Variants in SP100 observed in about 807,000 individuals in gnomAD.
SP100 encodes SP100 nuclear body protein.
SP100 carries 84 observed loss-of-function variants against 130.0 expected under a neutral mutation model. That is an observed-to-expected ratio of 0.65 (90% confidence interval 0.54 to 0.77). The LOEUF (loss-of-function observed/expected upper bound fraction) is 0.77, where lower values mean the gene tolerates loss of function less well. Ranked by LOEUF, SP100 falls within the 30% of genes least tolerant of loss-of-function variation. The pLI, the probability that SP100 is intolerant of heterozygous loss-of-function variation, is 0.00. For synonymous variants in SP100, 331 were observed against 351.7 expected (o/e 0.94, Z 0.66); for missense variants, 978 against 1,052.2 (o/e 0.93, Z 0.97).
At chr2:230,490,406 T>C (rs900166990) in intron 17 of SP100, among the ~76,000 whole-genome samples, 1 of 152,162 alleles carries the variant, frequency 6.6e-6, no homozygotes, top group African/African-American at 2.4e-5. Flanking sequence ...GTGAGATGGG[T>C]CTCCTGAATA....
chr2:230,486,445 G>A (rs1311070936), intron 17 of SP100, among the ~76,000 whole-genome samples: 6 of 152,184 alleles, frequency 3.9e-5, no homozygotes, highest in Non-Finnish European at 8.8e-5. Context: ...CTGTTCCTGG[G>A]TCAGTTTGCT....
rs374930841 is a variant in SP100, at chr2:230,541,875, G to C, written c.2404-17G>C. 6.2e-7 allele frequency: 1 copy of C among 1,610,338 alleles called. No individual in the cohort carries two copies. The highest frequency in any genetic ancestry group is 8.5e-7 in the Non-Finnish European group (1 of 1,178,868). ...GGCACTGGGCTGATAGCCTCATTTT[G>C]GTCTTTTACTCAACAGAACAGAGAG... is the stretch of plus-strand genomic sequence containing the variant. On this transcript the variant is annotated splice_polypyrimidine_tract_variant and intron_variant, in intron 27 of 28. Transcript: ENST00000340126.
intron 2 of SP100, among the ~76,000 whole-genome samples, chr2:230,427,243 C>A (rs2062960515): frequency 6.6e-6 from 1 of 151,970 alleles, no homozygotes; most frequent in Non-Finnish European, 1.5e-5. Context: ...CTTATTGCAA[C>A]CTCTGCCTCC....
At chr2:230,463,034 T>G (rs970732700) in intron 10 of SP100, among the ~76,000 whole-genome samples, 1 of 152,232 alleles carries the variant, frequency 6.6e-6, no homozygotes, top group Non-Finnish European at 1.5e-5. Flanking sequence ...CTGATAGAGT[T>G]CTTCAGCAAG....
At chr2:230,474,353 T>TA (rs2065427006) in intron 16 of SP100, 41 bp from the exon 17 acceptor site, 1 of 1,074,904 alleles carries the variant, frequency 9.3e-7, no homozygotes, top group African/African-American at 1.6e-5. Context: ...AAATTTTACT[T>TA]ATAAATTACA....
At chr2:230,516,537 A>T (rs1690924506) in intron 24 of SP100, 1 of 152,206 alleles carries the variant, frequency 6.6e-6, no homozygotes, top group Non-Finnish European at 1.5e-5. Flanking sequence ...ATTTAGTCTC[A>T]TGTAATTCTT....
chr2:230,464,566 A>G (rs1056606854), intron 11 of SP100, among the ~76,000 whole-genome samples: 1 of 152,192 alleles, frequency 6.6e-6, no homozygotes, highest in East Asian at 1.9e-4. Flanking sequence ...ACAAGCTCAG[A>G]AAGTCTTCAA....
intron 21 of SP100, among the ~76,000 whole-genome samples, chr2:230,505,367 G>C (rs569644763): frequency 6.6e-6 from 1 of 152,100 alleles, no homozygotes; most frequent in Non-Finnish European, 1.5e-5. Flanking sequence ...TAACTTTCAC[G>C]CCCCATTTCC....
chr2:230,502,638 G>A (rs947607858), intron 19 of SP100, among the ~76,000 whole-genome samples: 7 of 152,136 alleles, frequency 4.6e-5, no homozygotes, highest in Non-Finnish European at 1.0e-4. Context: ...TGTTGCTTGG[G>A]AAGCAGGTAA....
At position 230,544,633 on chromosome 2, in the gene SP100, A is replaced by T. The variant is rs982779677; in HGVS notation, c.*1687A>T. On this transcript the variant is annotated 3_prime_UTR_variant, in exon 29 of 29. Transcript: ENST00000340126. Reference sequence around the variant, plus strand: ...CTCCCAGGTGGCTGGGATTACAGGCATGCACCACCTGACTGATTTTGTATT... The same window carrying T: ...CTCCCAGGTGGCTGGGATTACAGGCTTGCACCACCTGACTGATTTTGTATT... 2.6e-5 allele frequency among the ~76,000 whole-genome samples: 4 copies of T among 152,268 alleles called. 1 individual carries two copies. Among genetic ancestry groups the T allele is most frequent in the Admixed American group, 2.6e-4 (4 of 15,300 alleles).
chr2:230,536,529 GA>G (rs1313924857), intron 24 of SP100, among the ~76,000 whole-genome samples: 6 of 152,220 alleles, frequency 3.9e-5, no homozygotes, highest in Middle Eastern at 3.4e-3. Flanking sequence ...AAACTCACCA[GA>G]TTACTGTATT....
intron 2 of SP100, among the ~76,000 whole-genome samples, chr2:230,424,455 T>C (rs1192847912): frequency 6.6e-6 from 1 of 151,952 alleles, no homozygotes; most frequent in East Asian, 1.9e-4. Flanking sequence ...TCACCTGAGG[T>C]CAGGAGTTCA....
At chr2:230,487,989 C>G (rs538723901) in intron 17 of SP100, among the ~76,000 whole-genome samples, 1 of 152,196 alleles carries the variant, frequency 6.6e-6, no homozygotes, top group East Asian at 1.9e-4. Context: ...CTCTGCTTGC[C>G]TACTGATGGT....
intron 14 of SP100, chr2:230,469,340 G>C: frequency 1.9e-6 from 1 of 515,492 alleles, no homozygotes; most frequent in Admixed American, 2.8e-5. Context: ...AGTAGTTCCT[G>C]AGTAGAGGGG....
chr2:230,537,090 T>C (rs1691975851), intron 24 of SP100, among the ~76,000 whole-genome samples: 1 of 151,952 alleles, frequency 6.6e-6, no homozygotes, highest in Admixed American at 6.6e-5. Flanking sequence ...AAACCCCACC[T>C]CCACAAAAAA....
At chr2:230,532,505 T>C (rs1196229911) in intron 24 of SP100, among the ~76,000 whole-genome samples, 1 of 150,970 alleles carries the variant, frequency 6.6e-6, no homozygotes, top group African/African-American at 2.4e-5. Flanking sequence ...ATTATTAAAA[T>C]TAAGTGACAT....
At chr2:230,542,218 A>G (rs1406814688) in intron 28 of SP100, among the ~76,000 whole-genome samples, 183 bp downstream of exon 28, 1 of 152,094 alleles carries the variant, frequency 6.6e-6, no homozygotes, top group Non-Finnish European at 1.5e-5. Context: ...ATAACAACAA[A>G]CTGGAAGGTG....
At chr2:230,515,596 G>C in intron 24 of SP100, 1 of 1,603,444 alleles carries the variant, frequency 6.2e-7, no homozygotes, top group Non-Finnish European at 8.5e-7. Flanking sequence ...AGAAGATGAA[G>C]AGGATGAACA....
At chr2:230,444,554 G>T (rs752889255) in intron 4 of SP100, among the ~76,000 whole-genome samples, 1 of 152,134 alleles carries the variant, frequency 6.6e-6, no homozygotes, top group Non-Finnish European at 1.5e-5. Context: ...TGGCCACTTA[G>T]ACTCACAGGA....
Sources: allele counts gnomAD v4.1 joint callset (sites outside exome capture counted in the v4.1 genomes callset), GRCh38; gene constraint gnomAD v4.1.1; transcripts MANE v1.5; gene names NCBI Gene and HGNC (gene_info 2026-07-23, HGNC 2026-07-21).